CRTC3: variants seen among roughly 807,000 people sequenced by gnomAD.
The protein encoded by CRTC3 is CREB regulated transcription coactivator 3.
Under a neutral mutation model 74.5 loss-of-function variants are expected in CRTC3, and 26 were observed. The observed-to-expected ratio is 0.35, with a 90% CI of 0.26 to 0.48. The LOEUF is 0.48. Among genes scored for constraint, CRTC3 ranks in the 20% least tolerant of loss-of-function variants. The probability of loss-of-function intolerance (pLI) is 0.99; values close to 1 mark genes in which losing one functional copy is unlikely to be tolerated. For missense variants in CRTC3, 760 were observed against 787.3 expected (o/e 0.97, Z 0.41); for synonymous variants, 377 against 325.8 (o/e 1.16, Z -1.69).
At chr15:90,635,006 T>G in intron 11 of CRTC3, 1 of 1,289,018 alleles carries the variant, frequency 7.8e-7, no homozygotes, top group Non-Finnish European at 1.1e-6. Context: ...TTAGAGATGG[T>G]GACATTCTTG....
intron 2 of CRTC3, among the ~76,000 whole-genome samples, chr15:90,589,778 G>A (rs1967756908): frequency 6.6e-6 from 1 of 152,192 alleles, no homozygotes. Context: ...CTTGAGGTCA[G>A]GAGTTCAAGA....
At chr15:90,612,114 C>T (rs1968377202) in intron 6 of CRTC3, among the ~76,000 whole-genome samples, 1 of 146,860 alleles carries the variant, frequency 6.8e-6, no homozygotes, top group Non-Finnish European at 1.5e-5. Context: ...CCTCCTCACA[C>T]TGGGCATCCC....
intron 2 of CRTC3, among the ~76,000 whole-genome samples, chr15:90,577,045 TTTTG>T (rs1967423308): frequency 6.6e-6 from 1 of 151,756 alleles, no homozygotes; most frequent in Non-Finnish European, 1.5e-5. Context: ...TTTTGTTTTG[TTTTG>T]TTTTGTTTTT....
At chr15:90,641,433 C>G (rs1462031267) in intron 14 of CRTC3, among the ~76,000 whole-genome samples, 1 of 152,128 alleles carries the variant, frequency 6.6e-6, no homozygotes, top group African/African-American at 2.4e-5. Flanking sequence ...TGCGGTGGCT[C>G]ACGCCTGTAA....
intron 3 of CRTC3, chr15:90,600,419 C>G (rs1417930871): frequency 5.8e-5 from 1 of 17,298 alleles, no homozygotes; most frequent in Non-Finnish European, 1.2e-4. Flanking sequence ...CTTATAGCCT[C>G]CATCCTTCCC....
rs778858313 is a variant in CRTC3, at chr15:90,638,433, GTT to G, written c.1267-11_1267-10del. The G allele has an allele frequency of 5.0e-6, 8 of 1,613,144 alleles. No homozygotes were observed. The highest frequency in any genetic ancestry group is 1.6e-4 in the Middle Eastern group (1 of 6,062). ...CAGAAGCTCATTAGTGGCTTTGTGT[GTT>G]TGTTTTGCAGATGGTGTCCTCAGAC... On this transcript the variant is annotated splice_polypyrimidine_tract_variant and intron_variant, in intron 11 of 14. Transcript: ENST00000268184.
chr15:90,628,720 G>A (rs1385574099), intron 10 of CRTC3, among the ~76,000 whole-genome samples: 1 of 152,076 alleles, frequency 6.6e-6, no homozygotes, highest in Admixed American at 6.5e-5. Context: ...GGAGATACAG[G>A]GAAGTGTCCC....
intron 2 of CRTC3, among the ~76,000 whole-genome samples, chr15:90,578,904 C>A (rs1967470514): frequency 6.6e-6 from 1 of 152,102 alleles, no homozygotes; most frequent in Non-Finnish European, 1.5e-5. Flanking sequence ...ACTAATGATT[C>A]TAAGCATCTG....
intron 2 of CRTC3, among the ~76,000 whole-genome samples, chr15:90,540,655 C>T (rs1030256023): frequency 2.0e-5 from 3 of 152,046 alleles, no homozygotes; most frequent in African/African-American, 7.2e-5. Context: ...CAGCTGTAGT[C>T]CCAGCTACTT....
At chr15:90,586,098 C>T (rs764397001) in intron 2 of CRTC3, among the ~76,000 whole-genome samples, 1 of 152,124 alleles carries the variant, frequency 6.6e-6, no homozygotes, top group African/African-American at 2.4e-5. Context: ...CGATGGTATT[C>T]CAGGAAAATA....
chr15:90,597,163 T>G (rs1425430927), intron 3 of CRTC3, among the ~76,000 whole-genome samples: 1 of 152,244 alleles, frequency 6.6e-6, no homozygotes, highest in Non-Finnish European at 1.5e-5. Flanking sequence ...TGCTCCTGGC[T>G]GGGGGCCTGG....
chr15:90,604,407 G>A lies in CRTC3; in HGVS notation c.436G>A (p.Glu146Lys), dbSNP rs150347942. The change falls in exon 5 of 15, where the codon GAA becomes AAA. Residue 146 changes from glutamate to lysine, a missense_variant. Coordinates refer to ENST00000268184, the MANE Select transcript of CRTC3 (RefSeq NM_022769.5). ...AAGGCAGCAGCCTCCTTGGAAAGAC[G>A]AAAAGCATCCTGGGTTCAGGCTGAC... ...WPRQQPPWKD[E>K]KHPGFRLTSA... 7.0e-5 allele frequency: 113 copies of A among 1,614,014 alleles called. No homozygotes were observed. In the African/African-American group the frequency reaches 9.1e-4, roughly 13 times the overall value.
At chr15:90,602,805 C>T (rs1287403221) in intron 4 of CRTC3, among the ~76,000 whole-genome samples, 4 of 151,736 alleles carry the variant, frequency 2.6e-5, no homozygotes, top group Non-Finnish European at 5.9e-5. Flanking sequence ...GAAACCCCGT[C>T]TCTACTAAAA....
intron 2 of CRTC3, among the ~76,000 whole-genome samples, chr15:90,557,184 CTT>C (rs1966910936): frequency 1.3e-5 from 2 of 152,034 alleles, no homozygotes; most frequent in African/African-American, 2.4e-5. Context: ...TGAGAACAAA[CTT>C]AGCAAATTTA....
intron 2 of CRTC3, among the ~76,000 whole-genome samples, chr15:90,591,400 A>C (rs1967798095): frequency 6.6e-6 from 1 of 152,108 alleles, no homozygotes; most frequent in African/African-American, 2.4e-5. Context: ...GACTCTAGAC[A>C]GGAGCCACTG....
At chr15:90,555,341 A>G (rs1966879023) in intron 2 of CRTC3, among the ~76,000 whole-genome samples, 1 of 152,182 alleles carries the variant, frequency 6.6e-6, no homozygotes, top group South Asian at 2.1e-4. Context: ...CCCTGAATTT[A>G]TTCATTAATA....
intron 1 of CRTC3, among the ~76,000 whole-genome samples, chr15:90,535,672 G>A (rs1966707701): frequency 3.3e-5 from 1 of 30,012 alleles, no homozygotes; most frequent in Non-Finnish European, 8.2e-5. Context: ...CCAATGATAA[G>A]ACATAGATAT....
At chr15:90,611,141 G>A (rs1968346956) in intron 6 of CRTC3, among the ~76,000 whole-genome samples, 2 of 152,194 alleles carry the variant, frequency 1.3e-5, no homozygotes, top group South Asian at 2.1e-4. Context: ...CAAAAAGAGT[G>A]TCACCCAGGG....
chr15:90,599,966 T>C (rs1284339116), intron 3 of CRTC3, among the ~76,000 whole-genome samples: 1 of 151,428 alleles, frequency 6.6e-6, no homozygotes, highest in African/African-American at 2.4e-5. Flanking sequence ...CGGTGTTTCC[T>C]CCCTAATGGC....
Sources: gnomAD v4.1 joint callset for allele counts (sites outside exome capture counted in the v4.1 genomes callset) on GRCh38, gnomAD v4.1.1 for gene constraint, MANE v1.5 for transcripts, NCBI Gene and HGNC (gene_info 2026-07-23, HGNC 2026-07-21) for gene names.